The following PBRM1 variants were observed in gnomAD, a reference collection of about 807,000 sequenced individuals.
The protein encoded by PBRM1 is polybromo 1.
Under a neutral mutation model 194.5 loss-of-function variants are expected in PBRM1, and 27 were observed. That is an observed-to-expected ratio of 0.14 (90% CI 0.10 to 0.19). The LOEUF (loss-of-function observed/expected upper bound fraction) is 0.19. PBRM1 is among the 10% of genes least tolerant of loss of function. PBRM1 has a pLI of 1.00. For missense variants in PBRM1, 1,466 were observed against 2,077.2 expected (o/e 0.71, Z 5.72); for synonymous variants, 655 against 693.2 (o/e 0.94, Z 0.87).
chr3:52,630,027 T>C (rs1577072727), intron 11 of PBRM1, among the ~76,000 whole-genome samples: 1 of 152,180 alleles, frequency 6.6e-6, no homozygotes, highest in Admixed American at 6.5e-5. Flanking sequence ...CAGTACCAGG[T>C]TGTGTAGCTA....
intron 27 of PBRM1, among the ~76,000 whole-genome samples, chr3:52,554,503 T>C (rs2081794142): frequency 2.0e-5 from 3 of 152,376 alleles, no homozygotes; most frequent in East Asian, 1.9e-4. Context: ...GCCTCTGCCA[T>C]GTGTGCTGTG....
At chr3:52,614,571 CT>C (rs755634978) in intron 15 of PBRM1, among the ~76,000 whole-genome samples, 263 of 137,452 alleles carry the variant, frequency 1.9e-3, no homozygotes, top group Middle Eastern at 7.4e-3. Flanking sequence ...TTTTTCTTCC[CT>C]TTTTTTTTTT....
intron 10 of PBRM1, among the ~76,000 whole-genome samples, chr3:52,640,763 G>A (rs1231090671): frequency 4.0e-5 from 6 of 151,682 alleles, no homozygotes; most frequent in East Asian, 1.9e-4. Flanking sequence ...TAAGCCTTCC[G>A]AGTAGCTGAG....
chr3:52,674,796 T>C (rs977173229), intron 2 of PBRM1, among the ~76,000 whole-genome samples: 1 of 150,726 alleles, frequency 6.6e-6, no homozygotes, highest in African/African-American at 2.4e-5. Context: ...ATATACAATA[T>C]ATATATTTTA....
chr3:52,643,971 C>CA lies in PBRM1; in HGVS notation c.900-629dup, dbSNP rs200809944. On this transcript the variant is annotated intron_variant, in intron 8 of 29. Coordinates refer to ENST00000296302, the Ensembl canonical transcript of PBRM1. ...TGGGCAACAGAGTGAGACTCTGTCT[C>CA]AAAAAAAAAAAATCACAGTCCTAGT... 2.7e-3 allele frequency among the ~76,000 whole-genome samples: 374 copies of CA among 138,610 alleles called. 1 individual carries two copies. The highest frequency in any genetic ancestry group is 7.6e-3 in the South Asian group (33 of 4,358). 90.9% of individuals were successfully genotyped at this position (138,610 alleles called of 152,430 possible).
At chr3:52,588,641 G>A (rs528876884) in intron 18 of PBRM1, among the ~76,000 whole-genome samples, 4 of 143,254 alleles carry the variant, frequency 2.8e-5, no homozygotes, top group Admixed American at 1.5e-4. Flanking sequence ...TGCAAGCTCC[G>A]CCTCCTGGGT....
At chr3:52,604,945 G>A (rs900388509) in intron 16 of PBRM1, among the ~76,000 whole-genome samples, 6 of 106,988 alleles carry the variant, frequency 5.6e-5, no homozygotes, top group African/African-American at 1.2e-4. Flanking sequence ...CAGAGTGAGT[G>A]AGACTCTGTC....
chr3:52,568,410 C>A (rs1157945166), intron 22 of PBRM1, among the ~76,000 whole-genome samples: 1 of 152,160 alleles, frequency 6.6e-6, no homozygotes, highest in South Asian at 2.1e-4. Flanking sequence ...ATAAACATTG[C>A]AAATATTTTC....
Position 52,648,313 on chromosome 3 carries a change from A to AAACAAC in PBRM1, c.813+25_813+30dup, listed in dbSNP as rs752396114. On this transcript the variant is annotated intron_variant, in intron 7 of 29. Coordinates refer to ENST00000296302, the Ensembl canonical transcript of PBRM1. ...TTAAATTATCTACTATTACCAAGGAAAACAACAACAACAACAACAACAAAA... is the reference window on the plus strand; with the variant it reads ...TTAAATTATCTACTATTACCAAGGAAAACAACAACAACAACAACAACAACAACAAAA... 31 of 1,253,164 alleles carry AAACAAC rather than the reference A, an allele frequency of 2.5e-5. No homozygotes were observed. In the South Asian group the frequency reaches 3.9e-4, roughly 16 times the overall value. The allele number at this position is 1,253,164 out of a possible 1,614,324, so 77.6% of individuals were successfully genotyped here. A position where few individuals can be genotyped will look rare whatever the true frequency, so the allele number is the denominator to read the frequency against.
chr3:52,614,388 A>G (rs1350746843), intron 15 of PBRM1, among the ~76,000 whole-genome samples: 2 of 150,492 alleles, frequency 1.3e-5, no homozygotes, highest in African/African-American at 4.9e-5. Flanking sequence ...AAAAAAAAAA[A>G]AAAAAAAAAA....
At chr3:52,671,642 T>C (rs1473083836) in intron 2 of PBRM1, among the ~76,000 whole-genome samples, 1 of 152,262 alleles carries the variant, frequency 6.6e-6, no homozygotes, top group Non-Finnish European at 1.5e-5. Flanking sequence ...CTTGGTATTG[T>C]GTCTAGAATG....
At chr3:52,658,351 A>T (rs544939243) in intron 4 of PBRM1, 36 bp from the exon 6 acceptor site, 2 of 1,057,538 alleles carry the variant, frequency 1.9e-6, no homozygotes, top group South Asian at 2.6e-5. Flanking sequence ...TTCTAAGAGA[A>T]ATAATAAAAT....
chr3:52,586,036 C>T (rs746418666), intron 20 of PBRM1: 15 of 161,028 alleles, frequency 9.3e-5, no homozygotes, highest in South Asian at 6.9e-4. Context: ...CCCAGGTTCA[C>T]GCCATTCTCC....
rs146395938 is a variant in PBRM1 at position 52,609,383 on chromosome 3, G to A, written c.2497C>T (p.Arg833Cys). 7 of 1,613,686 alleles carry A rather than the reference G, an allele frequency of 4.3e-6. No individual in the cohort carries two copies. The highest frequency in any genetic ancestry group is 2.7e-5 in the African/African-American group (2 of 75,028). ...TGAAATAAATCAAGCCGACGGTAGC[G>A]ATTATTTTCAACATTCTTCCTAATT... The change falls in exon 16 of 30, where the codon CGC (arginine) becomes TGC (cysteine). Residue 833 changes from arginine (R) to cysteine (C), a missense_variant. This residue lies in a region of PBRM1 where 687 missense variants were observed against 946.2 expected (regional missense o/e 0.73). Coordinates refer to ENST00000296302, the Ensembl canonical transcript of PBRM1. The surrounding 1 kb of genome is among the most constrained non-coding windows in gnomAD (Gnocchi z 4.1).
rs2092834360 is a variant in PBRM1 at position 52,589,823 on chromosome 3, A to AT, written c.2780-569dup. Among the ~76,000 whole-genome samples, 3 of 152,120 alleles carry AT rather than the reference A, an allele frequency of 2.0e-5. 1 individual carries two copies. The Middle Eastern group carries it at 0.01, about 517-fold the overall frequency. ...GGAAATGCTTTTCAAAATGACTTTT[A>AT]TTTTTATTTATTTATTTTTTTCGAG... On this transcript the variant is annotated intron_variant, in intron 17 of 29. Coordinates refer to ENST00000296302, the Ensembl canonical transcript of PBRM1.
chr3:52,555,331 G>A (rs1273034940), intron 26 of PBRM1, among the ~76,000 whole-genome samples: 1 of 152,146 alleles, frequency 6.6e-6, no homozygotes, highest in Non-Finnish European at 1.5e-5. Context: ...GGAAGGGAGG[G>A]AAATGAGCGC....
chr3:52,578,694 G>A (rs1053286544), intron 21 of PBRM1, among the ~76,000 whole-genome samples: 5 of 152,232 alleles, frequency 3.3e-5, no homozygotes, highest in Non-Finnish European at 5.9e-5. Flanking sequence ...ATACGCTAAG[G>A]AGAAGGAAAT....
At chr3:52,633,468 GAACACAGGTTTACA>G (rs1486435081) in intron 11 of PBRM1, among the ~76,000 whole-genome samples, 1 of 152,074 alleles carries the variant, frequency 6.6e-6, no homozygotes, top group Non-Finnish European at 1.5e-5. Flanking sequence ...CTGCTGCTGT[GAACACAGGTTTACA>G]AATACCTCTT....
At chr3:52,647,622 C>T (rs949249092) in intron 7 of PBRM1, among the ~76,000 whole-genome samples, 1 of 151,238 alleles carries the variant, frequency 6.6e-6, no homozygotes, top group African/African-American at 2.4e-5. Context: ...AGTGTATATC[C>T]CTATAGTAGA....
Sources: allele counts gnomAD v4.1 joint callset (sites outside exome capture counted in the v4.1 genomes callset), GRCh38; gene constraint gnomAD v4.1.1; regional missense constraint gnomAD v4.1.1; non-coding constraint Gnocchi (gnomAD v3.1); transcripts MANE v1.5; gene names NCBI Gene and HGNC (gene_info 2026-07-23, HGNC 2026-07-21).